SLC43A3: variants seen among roughly 807,000 people sequenced by gnomAD.
SLC43A3 encodes the protein equilibrative nucleobase transporter 1.
A neutral mutation model predicts 53.3 loss-of-function variants in SLC43A3; 33 were observed. The ratio of observed to expected loss-of-function variants is 0.62; its 90% CI spans 0.47 to 0.83. The LOEUF is 0.83. Among genes scored for constraint, SLC43A3 ranks in the 40% least tolerant of loss-of-function variants. The pLI is 0.00. For missense variants in SLC43A3, 530 were observed against 610.0 expected, an observed-to-expected ratio of 0.87 and a Z score of 1.38; for synonymous variants, 236 against 246.2, an observed-to-expected ratio of 0.96 and a Z score of 0.39.
intron 13 of SLC43A3, 48 bp downstream of exon 13, chr11:57,409,127 C>A (rs1419780962): frequency 6.2e-6 from 10 of 1,610,864 alleles, no homozygotes; most frequent in Non-Finnish European, 8.5e-6. Flanking sequence ...CAGCCAAGGC[C>A]TAAGGCCCAG....
chr11:57,424,069 G>A lies in SLC43A3; in HGVS notation c.315-41C>T, dbSNP rs1565102739. ...GGAAAAGCAGAATATTGTCAAGGAGGGAGAAACCTGGGAGAAAAAACATGA... is the reference window on the plus strand; with the variant it reads ...GGAAAAGCAGAATATTGTCAAGGAGAGAGAAACCTGGGAGAAAAAACATGA... On this transcript the variant is annotated intron_variant, in intron 4 of 13. Transcript: ENST00000395124. 3.1e-6 allele frequency: 5 copies of A among 1,591,824 alleles called. No individual in the cohort carries two copies. The African/African-American group carries it at 5.4e-5, about 17-fold the overall frequency.
chr11:57,415,026 C>T lies in SLC43A3; in HGVS notation c.850G>A (p.Val284Met), dbSNP rs1011533692. 4 of 1,614,184 alleles carry T rather than the reference C, an allele frequency of 2.5e-6. No homozygotes were observed. The highest frequency in any genetic ancestry group is 3.4e-6 in the Non-Finnish European group (4 of 1,180,028). ...CACAACTGTATCACAGACAGCCACA[C>T]CAGGTGCCAGGCAAAGCGCCGAGAG... The part of the protein sequence containing the change: ...AFSRRFAWHL[V>M]WLSVIQLWHY... The change falls in exon 10 of 14, where the codon GTG becomes ATG. Residue 284 changes from valine (V) to methionine (M), a missense_variant. Val to Met is a conservative substitution (Grantham distance 21). This residue lies in a region of SLC43A3 where 376 missense variants were observed against 386.7 expected (regional missense o/e 0.97). Transcript: ENST00000395124.
chr11:57,418,066 CT>C (rs1590696915), intron 7 of SLC43A3, among the ~76,000 whole-genome samples, 179 bp from the exon 8 acceptor site: 1 of 152,200 alleles, frequency 6.6e-6, no homozygotes, highest in East Asian at 1.9e-4. Context: ...GGCAACCATG[CT>C]GGCTCACACC....
intron 11 of SLC43A3, among the ~76,000 whole-genome samples, chr11:57,413,061 CAAAAAAA>C (rs1190635755): frequency 3.9e-5 from 3 of 76,276 alleles, no homozygotes; most frequent in Admixed American, 1.5e-4. Flanking sequence ...TTATTCACGG[CAAAAAAA>C]AAAAAAAAAA....
intron 11 of SLC43A3, among the ~76,000 whole-genome samples, chr11:57,411,478 A>C (rs1270019459): frequency 2.6e-5 from 1 of 38,152 alleles, no homozygotes; most frequent in African/African-American, 5.2e-5. Context: ...CTACAAAAAA[A>C]AAAAAAAAAA....
chr11:57,411,050 A>T (rs1942434786), intron 11 of SLC43A3, among the ~76,000 whole-genome samples: 1 of 152,136 alleles, frequency 6.6e-6, no homozygotes, highest in South Asian at 2.1e-4. Context: ...CAGCATGAAA[A>T]CAGACTAATA....
At chr11:57,416,491 G>C in intron 9 of SLC43A3, 82 bp downstream of exon 9, 1 of 1,042,958 alleles carries the variant, frequency 9.6e-7, no homozygotes, top group Non-Finnish European at 1.5e-6. Context: ...GTCCCTGGGG[G>C]AGCTCTGGAG....
chr11:57,424,527 TC>T (rs1943121163), intron 4 of SLC43A3, among the ~76,000 whole-genome samples: 1 of 152,086 alleles, frequency 6.6e-6, no homozygotes, highest in African/African-American at 2.4e-5. Flanking sequence ...ATCGGACTGA[TC>T]TAGCTCAGAG....
intron 7 of SLC43A3, among the ~76,000 whole-genome samples, chr11:57,418,641 G>A (rs182842957): frequency 2.0e-5 from 3 of 152,156 alleles, no homozygotes; most frequent in Admixed American, 2.0e-4. Context: ...TGTAATCCCA[G>A]TACTTTGGGA....
chr11:57,424,586 C>T (rs1943125536), intron 4 of SLC43A3, among the ~76,000 whole-genome samples: 1 of 151,266 alleles, frequency 6.6e-6, no homozygotes, highest in South Asian at 2.1e-4. Context: ...GCTCCCTTAG[C>T]ATTTGGGGGT....
At position 57,421,031 on chromosome 11, in the gene SLC43A3, T is replaced by C. The variant is rs756097995; in HGVS notation, c.472A>G (p.Ile158Val). Residue 158 changes from isoleucine to valine, a missense_variant, in exon 7 of 14, where the codon ATC becomes GTC. Ile to Val is a conservative substitution (Grantham distance 29). Around this residue, in one of 3 missense-constraint regions of SLC43A3, gnomAD observed 376 missense variants for 386.7 expected, o/e 0.97. Coordinates refer to ENST00000395124, the MANE Select transcript of SLC43A3 (RefSeq NM_199329.3). ...GNLFGQHRST[I>V]ITLYNGAFDS... ...AATGCTCCATTGTACAGAGTGATGA[T>C]GGTCGAACGGTGTTGGCCAAATAGG... The C allele has an allele frequency of 2.9e-5, 47 of 1,613,870 alleles. No homozygotes were observed. In the East Asian group the frequency reaches 7.6e-4, roughly 26 times the overall value.
rs368596409 is a variant in SLC43A3, at chr11:57,415,780, C to G, written c.770-674G>C. 3.3e-5 allele frequency among the ~76,000 whole-genome samples: 5 copies of G among 152,096 alleles called. No homozygotes were observed. In the East Asian group the frequency reaches 9.6e-4, roughly 29 times the overall value. On this transcript the variant is annotated intron_variant, in intron 9 of 13. Coordinates refer to ENST00000395124, the MANE Select transcript of SLC43A3 (RefSeq NM_199329.3). ...TTTCTTTAAAATAAATAAATAAATA[C>G]ATGTTTTGGATCCAATTGTCAGATG...
intron 8 of SLC43A3, 46 bp from the exon 9 acceptor site, chr11:57,416,716 G>C (rs745342346): frequency 1.4e-6 from 2 of 1,442,388 alleles, no homozygotes; most frequent in Admixed American, 1.7e-5. Flanking sequence ...ACTGTGAGCC[G>C]AACCTGAGAC....
intron 11 of SLC43A3, among the ~76,000 whole-genome samples, chr11:57,414,084 C>A (rs1158724242): frequency 6.6e-6 from 1 of 152,190 alleles, no homozygotes; most frequent in Non-Finnish European, 1.5e-5. Context: ...AGACTGAGAA[C>A]ACCTTGAGAA....
chr11:57,425,777 C>T, intron 3 of SLC43A3, 107 bp from the exon 4 acceptor site: 2 of 1,537,192 alleles, frequency 1.3e-6, no homozygotes, highest in Admixed American at 1.9e-5. Context: ...AAACTTGTCC[C>T]TTAAGCTGAG....
intron 11 of SLC43A3, among the ~76,000 whole-genome samples, chr11:57,414,186 GA>G (rs2135000205): frequency 6.6e-6 from 1 of 152,306 alleles, no homozygotes; most frequent in African/African-American, 2.4e-5. Flanking sequence ...GTGTTTTAAT[GA>G]ATGAATGAGT....
chr11:57,415,102 G>A lies in SLC43A3; in HGVS notation c.774C>T (p.Thr258=), dbSNP rs776457306. 6 of 1,607,964 alleles carry A rather than the reference G, an allele frequency of 3.7e-6. No individual in the cohort carries two copies. The highest frequency in any genetic ancestry group is 3.3e-5 in the South Asian group (3 of 89,848). ...GTTCCTGCTTCTGCCCTGCCCCTGG[G>A]GTCTCTAATGGGGAGAGGAGGATCT... is the stretch of plus-strand genomic sequence containing the variant. ...SKEFLSAKEE[T]PGAGQKQELR... Residue 258 remains threonine (T), a synonymous_variant, in exon 10 of 14, where the codon ACC becomes ACT. Coordinates refer to ENST00000395124, the MANE Select transcript of SLC43A3 (RefSeq NM_199329.3).
intron 3 of SLC43A3, 56 bp from the exon 4 acceptor site, chr11:57,425,726 C>G: frequency 6.2e-7 from 1 of 1,606,150 alleles, no homozygotes; most frequent in Non-Finnish European, 8.5e-7. Flanking sequence ...AATGAGCACA[C>G]AGGCTGGGCT....
In SLC43A3 at chr11:57,410,013, A is replaced by G; in HGVS notation, c.1169T>C (p.Leu390Pro). ...TTGCAGGATGAAGGTGAGGTACTGG[A>G]GAGGGAGGATGGGGACTGAGGCACA... is the stretch of plus-strand genomic sequence containing the variant. ...ALCASVPILP[L>P]QYLTFILQVI... is the part of the protein sequence containing the mutation. Residue 390 changes from leucine (L) to proline (P), a missense_variant, in exon 12 of 14, where the codon CTC (leucine) becomes CCC (proline). Leu to Pro is a moderately conservative substitution (Grantham distance 98). Transcript: ENST00000395124. The G allele has an allele frequency of 6.2e-7, 1 of 1,613,348 alleles. No individual in the cohort carries two copies. Among genetic ancestry groups the G allele is most frequent in the Non-Finnish European group, 8.5e-7 (1 of 1,179,806 alleles).
Sources: allele counts gnomAD v4.1 joint callset (sites outside exome capture counted in the v4.1 genomes callset), GRCh38; gene constraint gnomAD v4.1.1; regional missense constraint gnomAD v4.1.1; transcripts MANE v1.5; gene names NCBI Gene and HGNC (gene_info 2026-07-23, HGNC 2026-07-21).